The following ZSWIM5 variants were observed in gnomAD, a reference collection of about 807,000 sequenced individuals.
ZSWIM5 encodes zinc finger SWIM-type containing 5.
Under a neutral mutation model 119.6 loss-of-function variants are expected in ZSWIM5, and 55 were observed. That is an observed-to-expected ratio of 0.46 (90% CI 0.37 to 0.58). The LOEUF (loss-of-function observed/expected upper bound fraction) is 0.58, where lower values mean the gene tolerates loss of function less well. Among genes scored for constraint, ZSWIM5 ranks in the 20% least tolerant of loss-of-function variants. The pLI, the probability that ZSWIM5 is intolerant of heterozygous loss-of-function variation, is 0.00. For synonymous variants in ZSWIM5, 537 were observed against 606.9 expected, an observed-to-expected ratio of 0.88 and a Z score of 1.69; for missense variants, 1,193 against 1,512.8, an observed-to-expected ratio of 0.79 and a Z score of 3.51.
Position 45,020,673 on chromosome 1 carries a change from A to C in ZSWIM5, c.2565T>G (p.Ser855Arg). The C allele has an allele frequency of 6.2e-7, 1 of 1,613,590 alleles. No homozygotes were observed. The highest frequency in any genetic ancestry group is 8.5e-7 in the Non-Finnish European group (1 of 1,179,816). The change falls in exon 12 of 14, where the codon AGT becomes AGG. Residue 855 changes from serine to arginine, a missense_variant. By Grantham distance (110) the Ser-to-Arg change is moderately radical. This residue lies in a region of ZSWIM5 where 961 missense variants were observed against 1,290.0 expected (regional missense o/e 0.74). Transcript: ENST00000359600. ...DAFKIATPTD[S>R]STDSTLLNVA... ...CGTTGAGCAGGGTGCTGTCAGTACT[A>C]CTGTCGGTGGGAGTAGCAATCTTGA...
At chr1:45,157,028 T>C (rs1645830832) in intron 1 of ZSWIM5, among the ~76,000 whole-genome samples, 1 of 152,126 alleles carries the variant, frequency 6.6e-6, no homozygotes, top group South Asian at 2.1e-4. Context: ...TCCCAGAAAG[T>C]TCCCTCATGC....
rs1644860791 is a variant in ZSWIM5, at chr1:45,017,418, A to C, written c.*1036T>G. ...CAAAGATGTGCATCCTCACATGTAC[A>C]CAAAATGTGTATATCCTCACGTAGA... On this transcript the variant is annotated 3_prime_UTR_variant, in exon 14 of 14. Transcript: ENST00000359600. 6.6e-6 allele frequency: 1 copy of C among 152,280 alleles called. No homozygotes were observed. Among genetic ancestry groups the C allele is most frequent in the South Asian group, 2.1e-4 (1 of 4,838 alleles). 9.4% of individuals were successfully genotyped at this position (152,280 alleles called of 1,614,324 possible).
chr1:45,029,648 C>T (rs940144663), intron 11 of ZSWIM5, among the ~76,000 whole-genome samples: 5 of 152,084 alleles, frequency 3.3e-5, no homozygotes, highest in Admixed American at 6.6e-5. Flanking sequence ...TGATATTTCC[C>T]GACTGCAGCT....
intron 1 of ZSWIM5, among the ~76,000 whole-genome samples, chr1:45,115,398 G>A (rs1338639454): frequency 1.3e-5 from 2 of 150,776 alleles, no homozygotes; most frequent in East Asian, 2.0e-4. Flanking sequence ...GCTGCTGGGC[G>A]GAGGGGCTCC....
At chr1:45,166,237 T>C (rs1362536799) in intron 1 of ZSWIM5, among the ~76,000 whole-genome samples, 2 of 152,126 alleles carry the variant, frequency 1.3e-5, no homozygotes, top group Non-Finnish European at 2.9e-5. Context: ...TCTCAATAGA[T>C]GCAGAAAAGG....
At chr1:45,062,661 C>G (rs1645159713) in intron 2 of ZSWIM5, among the ~76,000 whole-genome samples, 1 of 151,948 alleles carries the variant, frequency 6.6e-6, no homozygotes, top group South Asian at 2.1e-4. Flanking sequence ...CCACTATGCC[C>G]AACTAATTTA....
intron 1 of ZSWIM5, among the ~76,000 whole-genome samples, chr1:45,148,823 C>G (rs1267791965): frequency 3.9e-5 from 6 of 152,222 alleles, no homozygotes; most frequent in Admixed American, 2.0e-4. Context: ...ACACTGAACC[C>G]TTTATAATAT....
chr1:45,046,616 G>A (rs1471894140), intron 5 of ZSWIM5, among the ~76,000 whole-genome samples: 2 of 142,702 alleles, frequency 1.4e-5, no homozygotes, highest in Non-Finnish European at 1.5e-5. Flanking sequence ...GAGTTGAGAG[G>A]AAAGGTCTGG....
chr1:45,182,810 C>T (rs971079949), intron 1 of ZSWIM5, among the ~76,000 whole-genome samples: 1 of 152,164 alleles, frequency 6.6e-6, no homozygotes, highest in African/African-American at 2.4e-5. Context: ...GAGACTTTAA[C>T]ACCCCACTGT....
chr1:45,138,505 CAAAAAA>C (rs759005534), intron 1 of ZSWIM5, among the ~76,000 whole-genome samples: 13 of 54,932 alleles, frequency 2.4e-4, no homozygotes, highest in African/African-American at 7.4e-4. Flanking sequence ...AACTCCATCT[CAAAAAA>C]AAAAAAAAAA....
At chr1:45,108,915 T>C (rs1645497486) in intron 1 of ZSWIM5, among the ~76,000 whole-genome samples, 1 of 152,224 alleles carries the variant, frequency 6.6e-6, no homozygotes, top group Non-Finnish European at 1.5e-5. Context: ...TCCATGATAT[T>C]TTATTTCCAA....
chr1:45,051,389 A>G, intron 4 of ZSWIM5, 136 bp from the exon 5 acceptor site: 1 of 910,408 alleles, frequency 1.1e-6, no homozygotes, highest in South Asian at 2.1e-5. Flanking sequence ...AAACTTGCTA[A>G]GATTTTCAGA....
chr1:45,081,316 TGGTCTCCCTCTCCCTCTCTTTCCAC>T lies in ZSWIM5; in HGVS notation c.952+6540_952+6564del, dbSNP rs1233971455. Among the ~76,000 whole-genome samples, 4 of 149,892 alleles carry T rather than the reference TGGTCTCCCTCTCCCTCTCTTTCCAC, an allele frequency of 2.7e-5. 1 individual carries two copies. Among genetic ancestry groups the T allele is most frequent in the African/African-American group, 9.8e-5 (4 of 40,878 alleles). ...TCTCCCCATGGTCTCCCTCTCCCCA[TGGTCTCCCTCTCCCTCTCTTTCCAC>T]GGTCTCCCTCTCACGCCAAGCCGAA... On this transcript the variant is annotated intron_variant, in intron 2 of 13. Transcript: ENST00000359600.
At chr1:45,165,268 T>G (rs529190626) in intron 1 of ZSWIM5, among the ~76,000 whole-genome samples, 1 of 151,954 alleles carries the variant, frequency 6.6e-6, no homozygotes, top group Non-Finnish European at 1.5e-5. Flanking sequence ...TTGAAACCAA[T>G]GAGAACAAGG....
chr1:45,193,592 G>A (rs1028784589), intron 1 of ZSWIM5, among the ~76,000 whole-genome samples: 2 of 152,090 alleles, frequency 1.3e-5, no homozygotes, highest in Non-Finnish European at 2.9e-5. Flanking sequence ...CAATCATGAG[G>A]TCACTAGCGA....
intron 1 of ZSWIM5, among the ~76,000 whole-genome samples, chr1:45,118,946 C>A: frequency 6.6e-6 from 1 of 152,152 alleles, no homozygotes; most frequent in African/African-American, 2.4e-5. Context: ...GACAAAATAA[C>A]TTCTTCCTAT....
At chr1:45,165,828 G>T (rs1452442792) in intron 1 of ZSWIM5, among the ~76,000 whole-genome samples, 1 of 152,002 alleles carries the variant, frequency 6.6e-6, no homozygotes, top group Non-Finnish European at 1.5e-5. Context: ...ATAATTAATA[G>T]CCTACCAACC....
rs534599856 is a variant in ZSWIM5, at chr1:45,160,989, A to ATTTTTTTTTTTTTTTTTTTTTTTTTTT, written c.595+44766_595+44767insAAAAAAAAAAAAAAAAAAAAAAAAAAA. ...AGCGCCTGCCACCATGCCCGGCTAA[A>ATTTTTTTTTTTTTTTTTTTTTTTTTTT]TTTTTTTTTTTTTTTTTAGTAGAGA... On this transcript the variant is annotated intron_variant, in intron 1 of 13. Coordinates refer to ENST00000359600, the MANE Select transcript of ZSWIM5 (RefSeq NM_020883.2). 5.3e-4 allele frequency among the ~76,000 whole-genome samples: 65 copies of ATTTTTTTTTTTTTTTTTTTTTTTTTTT among 122,618 alleles called. 5 individuals carry two copies. Among genetic ancestry groups the ATTTTTTTTTTTTTTTTTTTTTTTTTTT allele is most frequent in the African/African-American group, 1.2e-3 (41 of 33,104 alleles). The allele number at this position is 122,618 out of a possible 152,430, so 80.4% of individuals were successfully genotyped here.
At chr1:45,144,364 G>GAA (rs910205879) in intron 1 of ZSWIM5, among the ~76,000 whole-genome samples, 1 of 134,016 alleles carries the variant, frequency 7.5e-6, no homozygotes, top group Non-Finnish European at 1.6e-5. Flanking sequence ...CTTGTCTCTA[G>GAA]AAAAAAAAAA....
Sources: allele counts gnomAD v4.1 joint callset (sites outside exome capture counted in the v4.1 genomes callset), GRCh38; gene constraint gnomAD v4.1.1; regional missense constraint gnomAD v4.1.1; transcripts MANE v1.5; gene names NCBI Gene and HGNC (gene_info 2026-07-23, HGNC 2026-07-21).